Variants in NDUFV2 observed in about 807,000 individuals in gnomAD.
NDUFV2 encodes the protein NADH dehydrogenase [ubiquinone] flavoprotein 2, mitochondrial.
Under a neutral mutation model 31.6 loss-of-function variants are expected in NDUFV2, and 18 were observed. That is an observed-to-expected ratio of 0.57 (90% CI 0.39 to 0.84). NDUFV2 has a LOEUF of 0.84. Among genes scored for constraint, NDUFV2 ranks in the 40% least tolerant of loss-of-function variants. The pLI is 0.00. For missense variants in NDUFV2, 314 were observed against 303.6 expected, an observed-to-expected ratio of 1.03 and a Z score of -0.26; for synonymous variants, 83 against 99.8, an observed-to-expected ratio of 0.83 and a Z score of 1.01.
chr18:9,115,100 C>T (rs1034414367), intron 1 of NDUFV2, among the ~76,000 whole-genome samples: 1 of 152,112 alleles, frequency 6.6e-6, no homozygotes, highest in African/African-American at 2.4e-5. Context: ...CTTATACCTG[C>T]TGAGTGTTTT....
Position 9,126,904 on chromosome 18 carries a change from C to T in NDUFV2, c.653C>T (p.Pro218Leu), listed in dbSNP as rs373888389. Residue 218 changes from proline to leucine, a missense_variant, in exon 7 of 8, where the codon CCA (proline) becomes CTA (leucine). Transcript: ENST00000318388. ...GCTGGCAAAATCCCAAAACCAGGGC[C>T]AAGGTATGCTTTATTTATATATAGG... ...LKAGKIPKPG[P>L]RSGRFSCEPA... 24 of 1,612,354 alleles carry T rather than the reference C, an allele frequency of 1.5e-5. No homozygotes were observed. The highest frequency in any genetic ancestry group is 8.5e-7 in the Non-Finnish European group (1 of 1,178,508).
chr18:9,107,856 G>T (rs1434321563), intron 1 of NDUFV2, among the ~76,000 whole-genome samples: 1 of 152,144 alleles, frequency 6.6e-6, no homozygotes. Flanking sequence ...AGGTTTAGGG[G>T]CTTTAAAGGG....
chr18:9,104,439 AAGT>A (rs1188892492), intron 1 of NDUFV2, among the ~76,000 whole-genome samples: 1 of 152,218 alleles, frequency 6.6e-6, no homozygotes. Flanking sequence ...CAGGGAGACT[AAGT>A]AGATAAGAGG....
intron 1 of NDUFV2, chr18:9,104,816 G>T (rs2077833455): frequency 1.1e-6 from 1 of 952,076 alleles, no homozygotes. Context: ...TATTACACAC[G>T]TCATACGTGT....
rs1361003103 is a variant in NDUFV2, at chr18:9,102,777, G to T, written c.34G>T (p.Ala12Ser). The change falls in exon 1 of 8, where the codon GCT becomes TCT. Residue 12 changes from alanine to serine, a missense_variant. Coordinates refer to ENST00000318388, the MANE Select transcript of NDUFV2 (RefSeq NM_021074.5). Reference sequence around the variant, plus strand: ...CTCCGCGGCGCTCCGGGCCCGGGCGGCTGGCCTCACCGCCCACTGGGTAAG... The same window carrying T: ...CTCCGCGGCGCTCCGGGCCCGGGCGTCTGGCCTCACCGCCCACTGGGTAAG... Reference protein sequence around the residue: ...FFSAALRARAAGLTAHWGRHV... With the variant: ...FFSAALRARASGLTAHWGRHV... The T allele has an allele frequency of 1.3e-6, 2 of 1,581,142 alleles. No homozygotes were observed. The highest frequency in any genetic ancestry group is 1.7e-6 in the Non-Finnish European group (2 of 1,165,970).
At chr18:9,114,200 A>C (rs763319420) in intron 1 of NDUFV2, among the ~76,000 whole-genome samples, 1 of 152,200 alleles carries the variant, frequency 6.6e-6, no homozygotes, top group Non-Finnish European at 1.5e-5. Context: ...CACTTTCTTT[A>C]ACTAAAAGAG....
intron 1 of NDUFV2, among the ~76,000 whole-genome samples, chr18:9,110,135 G>T (rs968983975): frequency 6.6e-6 from 1 of 152,170 alleles, no homozygotes; most frequent in African/African-American, 2.4e-5. Flanking sequence ...AAGGGGGTGG[G>T]TGGGAACTCA....
At chr18:9,116,429 T>C (rs1438519123) in intron 1 of NDUFV2, among the ~76,000 whole-genome samples, 1 of 152,236 alleles carries the variant, frequency 6.6e-6, no homozygotes, top group African/African-American at 2.4e-5. Context: ...TCAAAAATTG[T>C]TACTCGATTA....
At chr18:9,116,941 A>G (rs2077901192) in intron 1 of NDUFV2, among the ~76,000 whole-genome samples, 1 of 152,160 alleles carries the variant, frequency 6.6e-6, no homozygotes, top group Admixed American at 6.5e-5. Context: ...AAGAGGGCAA[A>G]GAGAAATGAA....
intron 1 of NDUFV2, chr18:9,104,292 A>G: frequency 6.2e-7 from 1 of 1,610,778 alleles, no homozygotes; most frequent in Non-Finnish European, 8.5e-7. Context: ...CTGGCGTGCC[A>G]TACTAAAGAA....
intron 5 of NDUFV2, among the ~76,000 whole-genome samples, chr18:9,123,314 C>G (rs2077956031): frequency 1.3e-5 from 2 of 151,678 alleles, no homozygotes; most frequent in South Asian, 2.1e-4. Flanking sequence ...TTGGCTCAAA[C>G]CCCCCCACCC....
At position 9,117,721 on chromosome 18, in the gene NDUFV2, T is replaced by A. The variant is rs961489464; in HGVS notation, c.55-117T>A. On this transcript the variant is annotated intron_variant, in intron 1 of 7. Coordinates refer to ENST00000318388, the MANE Select transcript of NDUFV2 (RefSeq NM_021074.5). ...TGGATAGGGTAGAATACCATATTTC[T>A]TAAGATCTTTTATAAGTTGATTCCA... The A allele has an allele frequency of 4.4e-6, 3 of 680,790 alleles. No individual in the cohort carries two copies. The African/African-American group carries it at 5.5e-5, about 12-fold the overall frequency. 42.2% of individuals were successfully genotyped at this position (680,790 alleles called of 1,614,324 possible).
intron 1 of NDUFV2, chr18:9,104,285 G>A (rs78247459): frequency 0.18 from 294,046 of 1,611,230 alleles, 29,829 homozygotes; most frequent in Admixed American, 0.37. Context: ...GGAGCTCCTG[G>A]CGTGCCATAC....
intron 1 of NDUFV2, among the ~76,000 whole-genome samples, chr18:9,108,524 G>T (rs942328001): frequency 1.3e-5 from 2 of 152,098 alleles, no homozygotes; most frequent in African/African-American, 4.8e-5. Context: ...GGCTTGCTGA[G>T]AGGAATAAAT....
intron 4 of NDUFV2, among the ~76,000 whole-genome samples, chr18:9,119,825 T>C (rs1232138544): frequency 6.6e-6 from 1 of 151,948 alleles, no homozygotes; most frequent in African/African-American, 2.4e-5. Context: ...AGAGGGTATG[T>C]GTTTTTTTTT....
rs145956839 is a variant in NDUFV2 at position 9,124,050 on chromosome 18, A to T, written c.470-824A>T. Among the ~76,000 whole-genome samples the T allele has an allele frequency of 6.3e-3, 961 of 152,312 alleles. 7 individuals carry two copies. Among genetic ancestry groups the T allele is most frequent in the Middle Eastern group, 0.017 (5 of 294 alleles). Reference sequence around the variant, plus strand: ...TGATTTTAGTAGTTTAATTATTACAATCAAAATGAAAATAATACAGCCTGA... The same window carrying T: ...TGATTTTAGTAGTTTAATTATTACATTCAAAATGAAAATAATACAGCCTGA... On this transcript the variant is annotated intron_variant, in intron 5 of 7. Coordinates refer to ENST00000318388, the MANE Select transcript of NDUFV2 (RefSeq NM_021074.5).
At chr18:9,108,838 G>C (rs576318456) in intron 1 of NDUFV2, among the ~76,000 whole-genome samples, 1 of 151,832 alleles carries the variant, frequency 6.6e-6, no homozygotes, top group African/African-American at 2.4e-5. Context: ...TTAAAGGTGC[G>C]TGCCACCACA....
chr18:9,131,966 A>G (rs1598354206), intron 7 of NDUFV2, among the ~76,000 whole-genome samples: 1 of 152,118 alleles, frequency 6.6e-6, no homozygotes, highest in South Asian at 2.1e-4. Flanking sequence ...CATTTTTAGT[A>G]GATTAAACAA....
intron 7 of NDUFV2, among the ~76,000 whole-genome samples, chr18:9,130,027 A>G (rs538870822): frequency 5.8e-4 from 88 of 152,298 alleles, no homozygotes; most frequent in African/African-American, 1.7e-3. Context: ...TTTGGGGAAG[A>G]AAAGTCAAAT....
Sources: allele counts gnomAD v4.1 joint callset (sites outside exome capture counted in the v4.1 genomes callset), GRCh38; gene constraint gnomAD v4.1.1; transcripts MANE v1.5; gene names NCBI Gene and HGNC (gene_info 2026-07-23, HGNC 2026-07-21).